Variants in IL1R2 observed in about 807,000 individuals in gnomAD.
IL1R2 encodes interleukin-1 receptor type 2.
In IL1R2, 46 loss-of-function variants were observed where a neutral mutation model predicts 39.5. That is an observed-to-expected ratio of 1.16 (90% CI 0.92 to 1.49). The LOEUF is 1.49. IL1R2 is among the 40% of genes most tolerant of loss of function. The pLI is 0.00. For missense variants in IL1R2, 537 were observed against 502.0 expected (o/e 1.07, Z -0.67); for synonymous variants, 207 against 189.6 (o/e 1.09, Z -0.75).
Position 102,022,205 on chromosome 2 carries a change from T to C in IL1R2, c.707T>C (p.Ile236Thr). The C allele has an allele frequency of 6.2e-7, 1 of 1,613,678 alleles. No homozygotes were observed. Among genetic ancestry groups the C allele is most frequent in the Non-Finnish European group, 8.5e-7 (1 of 1,179,570 alleles). Residue 236 changes from isoleucine (I) to threonine (T), a missense_variant, in exon 6 of 9, where the codon ATT becomes ACT. Coordinates refer to ENST00000332549, the MANE Select transcript of IL1R2 (RefSeq NM_004633.4). ...LRIKKKKEETIPVIISPLKTI... is the reference protein window; with the variant it reads ...LRIKKKKEETTPVIISPLKTI... The stretch of plus-strand genomic sequence containing the variant: ...TTCTCAGAAAAAAAAGAAGAGACCA[T>C]TCCTGTGATCATTTCCCCCCTCAAG...
At chr2:102,014,677 G>T (rs530758490) in intron 3 of IL1R2, among the ~76,000 whole-genome samples, 1 of 151,792 alleles carries the variant, frequency 6.6e-6, no homozygotes, top group South Asian at 2.1e-4. Flanking sequence ...GGATATGGAT[G>T]GTTTAGATTT....
chr2:102,018,287 GT>G (rs1036999589), intron 4 of IL1R2, among the ~76,000 whole-genome samples: 1 of 152,232 alleles, frequency 6.6e-6, no homozygotes, highest in African/African-American at 2.4e-5. Flanking sequence ...ACAAATGAAA[GT>G]TTTTACCTGG....
chr2:102,013,389 C>T (rs1226237985), intron 3 of IL1R2, among the ~76,000 whole-genome samples: 1 of 151,612 alleles, frequency 6.6e-6, no homozygotes, highest in Non-Finnish European at 1.5e-5. Context: ...TGTTTAAGAC[C>T]TTGTGATCTA....
At position 102,008,563 on chromosome 2, in the gene IL1R2, G is replaced by A. The variant is rs1314099384; in HGVS notation, c.-13G>A. The A allele has an allele frequency of 1.2e-6, 2 of 1,613,430 alleles. No individual in the cohort carries two copies. The highest frequency in any genetic ancestry group is 1.1e-5 in the South Asian group (1 of 91,058). On this transcript the variant is annotated 5_prime_UTR_variant, in exon 2 of 9. Coordinates refer to ENST00000332549, the MANE Select transcript of IL1R2 (RefSeq NM_004633.4). ...CCTCCACTTCCCGTGTCCTCTGGAA[G>A]TTGTCAGGAGCAATGTTGCGCTTGT...
At chr2:102,025,666 T>C (rs2241082) in intron 7 of IL1R2, among the ~76,000 whole-genome samples, 22,713 of 151,918 alleles carry the variant, frequency 0.15, 1,787 homozygotes, top group South Asian at 0.27. Flanking sequence ...AGAGTGAGAG[T>C]CAGCAGTAGA....
At chr2:102,027,231 C>T (rs540426742) in intron 8 of IL1R2, among the ~76,000 whole-genome samples, 1 of 152,280 alleles carries the variant, frequency 6.6e-6, no homozygotes, top group African/African-American at 2.4e-5. Context: ...AATGAGGGCA[C>T]ACATGTGAAG....
intron 4 of IL1R2, among the ~76,000 whole-genome samples, chr2:102,017,365 C>G (rs1677069985): frequency 6.8e-6 from 1 of 146,290 alleles, no homozygotes. Flanking sequence ...CCATTGCACT[C>G]CAGCCTGGGA....
At position 102,022,186 on chromosome 2, in the gene IL1R2, GA is replaced by G; in HGVS notation, c.696del (p.Glu233LysfsTer6). On this transcript the variant is annotated frameshift_variant and splice_region_variant, in exon 6 of 9. Transcript: ENST00000332549. LOFTEE classifies it high-confidence loss of function. The stretch of plus-strand genomic sequence containing the variant: ...ATCTCTTTTCCTTACATCTTTCTCA[GA>G]AAAAAAAGAAGAGACCATTCCTGTG... ...ITRSIELRIK[K>X]KKEETIPVII... 1.9e-6 allele frequency: 3 copies of G among 1,610,290 alleles called. No individual in the cohort carries two copies. Among genetic ancestry groups the G allele is most frequent in the Non-Finnish European group, 2.5e-6 (3 of 1,177,002 alleles).
rs1254323316 is a variant in IL1R2, at chr2:102,021,309, T to TC, written c.689-878_689-877insC. Among the ~76,000 whole-genome samples the TC allele has an allele frequency of 3.0e-3, 453 of 150,232 alleles. 4 individuals are homozygous for TC. The highest frequency in any genetic ancestry group is 9.5e-3 in the African/African-American group (388 of 40,968). On this transcript the variant is annotated intron_variant, in intron 5 of 8. Transcript: ENST00000332549. ...TTTCTTTCTTTCTTTTCTTTTCTTT[T>TC]TTTTTTTTTTTTTGGTTTTTTTTTG...
chr2:102,004,365 C>T (rs1676133107), intron 1 of IL1R2, among the ~76,000 whole-genome samples: 1 of 151,952 alleles, frequency 6.6e-6, no homozygotes, highest in Admixed American at 6.6e-5. Flanking sequence ...GCTCTTTCTA[C>T]CTTCCAGCAT....
chr2:101,994,882 A>C (rs1675515616), intron 1 of IL1R2, among the ~76,000 whole-genome samples: 2 of 152,248 alleles, frequency 1.3e-5, no homozygotes, highest in African/African-American at 4.8e-5. Flanking sequence ...ATTTGGGGGC[A>C]AGGAAGAAGT....
At position 102,008,943 on chromosome 2, in the gene IL1R2, G is replaced by T. The variant is rs182786799; in HGVS notation, c.67+301G>T. 6.6e-5 allele frequency among the ~76,000 whole-genome samples: 10 copies of T among 151,488 alleles called. No homozygotes were observed. In the East Asian group the frequency reaches 1.7e-3, roughly 26 times the overall value. ...CTTGGGAGGCTGAGGTGAGAGGAGT[G>T]CTTGAACCCAGGGAGGTTGAGGCTG... On this transcript the variant is annotated intron_variant, in intron 2 of 8. Coordinates refer to ENST00000332549, the MANE Select transcript of IL1R2 (RefSeq NM_004633.4).
At chr2:102,021,404 C>T (rs1370852108) in intron 5 of IL1R2, among the ~76,000 whole-genome samples, 2 of 151,568 alleles carry the variant, frequency 1.3e-5, no homozygotes, top group East Asian at 1.9e-4. Flanking sequence ...CGACCTCTAC[C>T]TCCCGGGTTC....
chr2:102,009,570 A>G lies in IL1R2; in HGVS notation c.76A>G (p.Arg26Gly), dbSNP rs759448753. ...GGCTCTCTGTCCTTCAGGGGCTGCC[A>G]GAAGCTGCCGGTTTCGTGGGAGGCA... ...LQPAAHTGAA[R>G]SCRFRGRHYK... The change falls in exon 3 of 9, where the codon AGA becomes GGA. Residue 26 changes from arginine to glycine, a missense_variant. Physicochemically the swap from Arg to Gly is moderately radical, Grantham distance 125. Transcript: ENST00000332549. The G allele has an allele frequency of 6.2e-7, 1 of 1,613,822 alleles. No homozygotes were observed. The highest frequency in any genetic ancestry group is 8.5e-7 in the Non-Finnish European group (1 of 1,179,916).
At chr2:102,021,347 G>T (rs553593589) in intron 5 of IL1R2, among the ~76,000 whole-genome samples, 1 of 133,904 alleles carries the variant, frequency 7.5e-6, no homozygotes, top group Non-Finnish European at 1.5e-5. Context: ...GCGGAGTCTC[G>T]CTCTGCCACC....
chr2:101,994,792 A>G (rs1230268901), intron 1 of IL1R2, among the ~76,000 whole-genome samples: 1 of 152,244 alleles, frequency 6.6e-6, no homozygotes, highest in African/African-American at 2.4e-5. Flanking sequence ...TGAATTTTTC[A>G]TAAATGGTGT....
Position 101,998,423 on chromosome 2 carries a change from C to T in IL1R2, c.-62+6412C>T, listed in dbSNP as rs542452198. Among the ~76,000 whole-genome samples the T allele has an allele frequency of 2.6e-5, 4 of 152,316 alleles. No homozygotes were observed. The East Asian group carries it at 5.8e-4, about 22-fold the overall frequency. On this transcript the variant is annotated intron_variant, in intron 1 of 8. Coordinates refer to ENST00000332549, the MANE Select transcript of IL1R2 (RefSeq NM_004633.4). ...CTTCTCCCTCTTTCCAATTTGCCAT[C>T]TGGAATCTGCTTTTGATTGAGCATT...
intron 4 of IL1R2, among the ~76,000 whole-genome samples, chr2:102,017,793 A>G (rs894446629): frequency 1.3e-5 from 2 of 152,130 alleles, no homozygotes; most frequent in Non-Finnish European, 2.9e-5. Flanking sequence ...CACATGGCCT[A>G]GTTGTGATGG....
rs1440429750 is a variant in IL1R2 at position 102,015,880 on chromosome 2, T to C, written c.342T>C (p.Ser114=). Residue 114 remains serine, a synonymous_variant, in exon 4 of 9, where the codon TCT becomes TCC. Coordinates refer to ENST00000332549, the MANE Select transcript of IL1R2 (RefSeq NM_004633.4). ...GTYVCTTRNA[S]YCDKMSIELR... is the part of the protein sequence containing the mutation. ...TTCCCTTTTAAATCAGAAATGCTTC[T>C]TACTGTGACAAAATGTCCATTGAGC... The C allele has an allele frequency of 3.1e-6, 5 of 1,612,800 alleles. No individual in the cohort carries two copies.
Sources: allele counts gnomAD v4.1 joint callset (sites outside exome capture counted in the v4.1 genomes callset), GRCh38; gene constraint gnomAD v4.1.1; transcripts MANE v1.5; gene names NCBI Gene and HGNC (gene_info 2026-07-23, HGNC 2026-07-21).